The following GATC variants were observed in gnomAD, a reference collection of about 807,000 sequenced individuals.
GATC encodes glutamyl-tRNA amidotransferase subunit C, also known as glutamyl-tRNA(Gln) amidotransferase subunit C, mitochondrial.
GATC carries 11 observed loss-of-function variants against 14.4 expected under a neutral mutation model. The observed-to-expected ratio is 0.77, with a 90% CI of 0.48 to 1.27. The LOEUF (loss-of-function observed/expected upper bound fraction) is 1.27. Ranked by LOEUF, GATC falls within the 50% of genes most tolerant of loss-of-function variation. The probability of loss-of-function intolerance (pLI) is 0.00; values close to 1 mark genes in which losing one functional copy is unlikely to be tolerated. For missense variants in GATC, 204 were observed against 183.0 expected, an observed-to-expected ratio of 1.11 and a Z score of -0.66; for synonymous variants, 76 against 79.3, an observed-to-expected ratio of 0.96 and a Z score of 0.22.
Position 120,446,711 on chromosome 12 carries a change from G to C in GATC, c.136G>C (p.Val46Leu), listed in dbSNP as rs781071301. 1 of 1,613,904 alleles carries C rather than the reference G, an allele frequency of 6.2e-7. No individual in the cohort carries two copies. Among genetic ancestry groups the C allele is most frequent in the Non-Finnish European group, 8.5e-7 (1 of 1,180,024 alleles). Residue 46 changes from valine to leucine, a missense_variant, in exon 2 of 4, where the codon GTG (valine) becomes CTG (leucine). Coordinates refer to ENST00000551765, the MANE Select transcript of GATC (RefSeq NM_176818.3). ...CGAGCACCTGGAGCGTCTAGCGCTT[G>C]TGGACTTCGGCAGCCGCGAGGCAGT... ...VIEHLERLALVDFGSREAVAR... is the reference protein window; with the variant it reads ...VIEHLERLALLDFGSREAVAR...
intron 3 of GATC, 50 bp downstream of exon 3, chr12:120,457,229 G>A: frequency 3.7e-6 from 5 of 1,333,822 alleles, no homozygotes; most frequent in Non-Finnish European, 5.4e-6. Context: ...GTAACCTTAG[G>A]AATGAAGCAG....
intron 3 of GATC, among the ~76,000 whole-genome samples, 194 bp downstream of exon 3, chr12:120,457,373 C>G (rs112344119): frequency 2.8e-4 from 43 of 152,054 alleles, no homozygotes; most frequent in African/African-American, 9.4e-4. Context: ...CAGGAACAAG[C>G]AAAACAGGAT....
Position 120,460,004 on chromosome 12 carries a change from A to G in GATC, c.*45A>G, listed in dbSNP as rs1395786358. The G allele has an allele frequency of 3.5e-5, 51 of 1,457,178 alleles. No individual in the cohort carries two copies. Among genetic ancestry groups the G allele is most frequent in the Non-Finnish European group, 4.5e-5 (47 of 1,046,002 alleles). 90.3% of individuals were successfully genotyped at this position (1,457,178 alleles called of 1,614,324 possible). A position where few individuals can be genotyped will look rare whatever the true frequency, so the allele number is the denominator to read the frequency against. On this transcript the variant is annotated 3_prime_UTR_variant, in exon 4 of 4. Coordinates refer to ENST00000551765, the MANE Select transcript of GATC (RefSeq NM_176818.3). ...GGGTACTCTGTGAACATGTGGAAGC[A>G]TAATGACAGTATTTTTTTACTGTGA...
chr12:120,461,386 C>T lies in GATC; in HGVS notation c.*1427C>T, dbSNP rs73221372. 0.045 allele frequency: 6,921 copies of T among 152,178 alleles called. 266 individuals are homozygous for T. The highest frequency in any genetic ancestry group is 0.099 in the South Asian group (479 of 4,816). 9.4% of individuals were successfully genotyped at this position (152,178 alleles called of 1,614,324 possible). ...GGCTAGGATCACAGGCAAAAGCCAC[C>T]GTGTGTTTATTTTTCCCATTCCCTT... is the stretch of plus-strand genomic sequence containing the variant. On this transcript the variant is annotated 3_prime_UTR_variant, in exon 4 of 4. Transcript: ENST00000551765.
At chr12:120,446,972 T>A in intron 2 of GATC, 143 bp downstream of exon 2, 2 of 722,284 alleles carry the variant, frequency 2.8e-6, no homozygotes, top group Non-Finnish European at 4.4e-6. Flanking sequence ...CGCGAGTCAG[T>A]GGCTTCACTC....
chr12:120,451,578 C>A (rs1160275118), intron 2 of GATC, among the ~76,000 whole-genome samples: 2 of 151,696 alleles, frequency 1.3e-5, no homozygotes, highest in African/African-American at 4.8e-5. Flanking sequence ...TCCTTCTCTA[C>A]TAAAAATACA....
chr12:120,458,004 C>CATGGCTGCT (rs1203509993), intron 3 of GATC, among the ~76,000 whole-genome samples: 1 of 152,108 alleles, frequency 6.6e-6, no homozygotes, highest in Non-Finnish European at 1.5e-5. Context: ...GCAGGAGGAG[C>CATGGCTGCT]ATGGCTGCTA....
chr12:120,461,892 T>TC lies in GATC; in HGVS notation c.*1934dup. 9.8e-7 allele frequency: 1 copy of TC among 1,020,530 alleles called. No homozygotes were observed. 63.2% of individuals were successfully genotyped at this position (1,020,530 alleles called of 1,614,324 possible). A position where few individuals can be genotyped will look rare whatever the true frequency, so the allele number is the denominator to read the frequency against. On this transcript the variant is annotated 3_prime_UTR_variant, in exon 4 of 4. Coordinates refer to ENST00000551765, the MANE Select transcript of GATC (RefSeq NM_176818.3). ...CTGGTAGAAATTATGTAGTTTTTTTTCTTCTTTAAAAAAAAAAAATTAAAA... is the reference window on the plus strand; with the variant it reads ...CTGGTAGAAATTATGTAGTTTTTTTTCCTTCTTTAAAAAAAAAAAATTAAAA...
At chr12:120,448,331 GTT>G (rs34872230) in intron 2 of GATC, among the ~76,000 whole-genome samples, 2 of 140,884 alleles carry the variant, frequency 1.4e-5, no homozygotes, top group East Asian at 2.1e-4. Context: ...CCTCAAGAAA[GTT>G]TTTTTTTTTT....
intron 2 of GATC, among the ~76,000 whole-genome samples, chr12:120,453,951 A>C (rs1347742586): frequency 6.6e-6 from 1 of 152,204 alleles, no homozygotes; most frequent in African/African-American, 2.4e-5. Flanking sequence ...ATACATACAT[A>C]AATAGAAAGG....
rs1592990394 is a variant in GATC, at chr12:120,462,671, T to C, written c.*2712T>C. 6.6e-6 allele frequency: 1 copy of C among 152,464 alleles called. No homozygotes were observed. Among genetic ancestry groups the C allele is most frequent in the South Asian group, 2.1e-4 (1 of 4,848 alleles). 9.4% of individuals were successfully genotyped at this position (152,464 alleles called of 1,614,324 possible). A position where few individuals can be genotyped will look rare whatever the true frequency, so the allele number is the denominator to read the frequency against. ...TTCCTGGCAAGTCTTGTGATGGTGCTATTATGTGACCATTTTGCCCATGAA... is the reference window on the plus strand; with the variant it reads ...TTCCTGGCAAGTCTTGTGATGGTGCCATTATGTGACCATTTTGCCCATGAA... On this transcript the variant is annotated 3_prime_UTR_variant, in exon 4 of 4. Transcript: ENST00000551765.
At chr12:120,456,063 G>A (rs570531522) in intron 2 of GATC, among the ~76,000 whole-genome samples, 1 of 152,126 alleles carries the variant, frequency 6.6e-6, no homozygotes, top group Non-Finnish European at 1.5e-5. Context: ...TGACTCAAAC[G>A]CCATTAGGGT....
intron 2 of GATC, 128 bp from the exon 3 acceptor site, chr12:120,456,948 T>C: frequency 1.5e-6 from 1 of 656,010 alleles, no homozygotes; most frequent in South Asian, 1.8e-5. Context: ...CCAGCTTCTC[T>C]ATCTTTGAAC....
At chr12:120,457,822 G>A (rs1362219792) in intron 3 of GATC, among the ~76,000 whole-genome samples, 1 of 151,998 alleles carries the variant, frequency 6.6e-6, no homozygotes, top group Non-Finnish European at 1.5e-5. Flanking sequence ...AGCCAGGATG[G>A]TCTCGATCTC....
chr12:120,462,279 G>A lies in GATC; in HGVS notation c.*2320G>A. On this transcript the variant is annotated 3_prime_UTR_variant, in exon 4 of 4. Coordinates refer to ENST00000551765, the MANE Select transcript of GATC (RefSeq NM_176818.3). ...ATTGAGCACTTACTGTGTACTCTGTGCCTGGCATGAGGCTATCTCATTAAA... is the reference window on the plus strand; with the variant it reads ...ATTGAGCACTTACTGTGTACTCTGTACCTGGCATGAGGCTATCTCATTAAA... 9.0e-7 allele frequency: 1 copy of A among 1,112,708 alleles called. No individual in the cohort carries two copies. Among genetic ancestry groups the A allele is most frequent in the South Asian group, 1.7e-5 (1 of 59,234 alleles). The allele number at this position is 1,112,708 out of a possible 1,614,324, so 68.9% of individuals were successfully genotyped here.
At chr12:120,446,618 C>T (rs754151657) in intron 1 of GATC, 39 bp from the exon 2 acceptor site, 12 of 1,591,928 alleles carry the variant, frequency 7.5e-6, no homozygotes, top group Middle Eastern at 1.7e-4. Context: ...CACTTCGGAG[C>T]GCCGGTGACC....
At chr12:120,451,175 G>A (rs1171606850) in intron 2 of GATC, among the ~76,000 whole-genome samples, 4 of 147,178 alleles carry the variant, frequency 2.7e-5, no homozygotes, top group African/African-American at 5.0e-5. Context: ...GACTGGGCGC[G>A]GTGGCTCACA....
intron 2 of GATC, chr12:120,454,989 G>A (rs538951168): frequency 4.4e-6 from 2 of 451,960 alleles, no homozygotes; most frequent in African/African-American, 2.0e-5. Flanking sequence ...CTACATTCAA[G>A]TGATTCTTGT....
At chr12:120,446,951 C>T (rs2137036509) in intron 2 of GATC, 122 bp downstream of exon 2, 1 of 886,872 alleles carries the variant, frequency 1.1e-6, no homozygotes, top group Non-Finnish European at 1.7e-6. Flanking sequence ...GGAACTTGCC[C>T]ACAGTCACCT....
Sources: gnomAD v4.1 joint callset for allele counts (sites outside exome capture counted in the v4.1 genomes callset) on GRCh38, gnomAD v4.1.1 for gene constraint, MANE v1.5 for transcripts, NCBI Gene and HGNC (gene_info 2026-07-23, HGNC 2026-07-21) for gene names.